The following SUPT3H variants were observed in gnomAD, a reference collection of about 807,000 sequenced individuals.
The protein encoded by SUPT3H is SPT3 homolog, SAGA and STAGA complex component.
SUPT3H carries 44 observed loss-of-function variants against 44.3 expected under a neutral mutation model. The ratio of observed to expected loss-of-function variants is 0.99; its 90% CI spans 0.78 to 1.28. The LOEUF (loss-of-function observed/expected upper bound fraction) is 1.28. Ranked by LOEUF, SUPT3H falls within the 50% of genes most tolerant of loss-of-function variation. The probability of loss-of-function intolerance (pLI) is 0.00; values close to 1 mark genes in which losing one functional copy is unlikely to be tolerated. For missense variants in SUPT3H, 380 were observed against 387.1 expected (o/e 0.98, Z 0.15); for synonymous variants, 124 against 125.6 (o/e 0.99, Z 0.09).
At chr6:44,953,129 G>A (rs1319464012) in intron 9 of SUPT3H, among the ~76,000 whole-genome samples, 181 bp downstream of exon 9, 4 of 152,178 alleles carry the variant, frequency 2.6e-5, no homozygotes. Flanking sequence ...TAAGTGGACT[G>A]TCAGGGCCTG....
intron 10 of SUPT3H, among the ~76,000 whole-genome samples, chr6:44,866,548 T>C (rs934923290): frequency 1.3e-5 from 2 of 152,064 alleles, no homozygotes; most frequent in Non-Finnish European, 2.9e-5. Flanking sequence ...ACATAAAGCT[T>C]TACAACTGTC....
chr6:45,371,837 C>T, intron 1 of SUPT3H: 3 of 984,368 alleles, frequency 3.0e-6, no homozygotes, highest in Non-Finnish European at 3.6e-6. Flanking sequence ...GAGCAGACTT[C>T]AGAACTACAG....
chr6:44,976,461 G>C (rs1399164484), intron 6 of SUPT3H, among the ~76,000 whole-genome samples: 1 of 151,730 alleles, frequency 6.6e-6, no homozygotes, highest in Non-Finnish European at 1.5e-5. Context: ...TCCAGGGCTC[G>C]AGAGATTCTC....
rs1405558296 is a variant in SUPT3H, at chr6:45,111,083, A to G, written c.102-5077T>C. Among the ~76,000 whole-genome samples, 6 of 148,706 alleles carry G rather than the reference A, an allele frequency of 4.0e-5. No homozygotes were observed. The South Asian group carries it at 8.5e-4, about 21-fold the overall frequency. On this transcript the variant is annotated intron_variant, in intron 2 of 10. Coordinates refer to ENST00000371459, the MANE Select transcript of SUPT3H (RefSeq NM_003599.4). ...AGTCTCACTCTGTCACCCAGGCTGG[A>G]GTGCAGTGGCGCGACCTTCGCTCAC...
At chr6:45,027,739 A>T (rs926290595) in intron 3 of SUPT3H, among the ~76,000 whole-genome samples, 3 of 152,214 alleles carry the variant, frequency 2.0e-5, no homozygotes, top group African/African-American at 7.2e-5. Flanking sequence ...ATAAATTTTT[A>T]AAAATCTTGT....
intron 2 of SUPT3H, among the ~76,000 whole-genome samples, chr6:45,330,972 T>C (rs1004770371): frequency 1.3e-5 from 2 of 151,982 alleles, no homozygotes; most frequent in Non-Finnish European, 1.5e-5. Context: ...ATAATGATTA[T>C]CACCACCACC....
In SUPT3H at chr6:45,080,117, T is replaced by A. The variant is rs537776892; in HGVS notation, c.186+25805A>T. The stretch of plus-strand genomic sequence containing the variant: ...AATTCAATAGGAAAAAATCTAATAA[T>A]CTGATTAAAACATGGGCAAAAGATC... On this transcript the variant is annotated intron_variant, in intron 3 of 10. Transcript: ENST00000371459. Among the ~76,000 whole-genome samples the A allele has an allele frequency of 2.1e-3, 315 of 152,120 alleles. 2 individuals carry two copies. Among genetic ancestry groups the A allele is most frequent in the African/African-American group, 7.4e-3 (306 of 41,512 alleles).
At chr6:45,330,345 A>T (rs1292356701) in intron 2 of SUPT3H, among the ~76,000 whole-genome samples, 1 of 151,980 alleles carries the variant, frequency 6.6e-6, no homozygotes, top group African/African-American at 2.4e-5. Context: ...TTTTGTTACT[A>T]CTACCCAAGA....
At chr6:45,039,318 T>C (rs1788153991) in intron 3 of SUPT3H, among the ~76,000 whole-genome samples, 1 of 152,122 alleles carries the variant, frequency 6.6e-6, no homozygotes, top group Admixed American at 6.5e-5. Context: ...GTCCAAACAT[T>C]TCAAATCTAC....
intron 2 of SUPT3H, among the ~76,000 whole-genome samples, chr6:45,158,334 A>G (rs1332584948): frequency 8.5e-6 from 1 of 117,074 alleles, no homozygotes; most frequent in African/African-American, 3.6e-5. Flanking sequence ...GAGTCTCACT[A>G]TGTCACCCAA....
At position 45,348,682 on chromosome 6, in the gene SUPT3H, A is replaced by C. The variant is rs1581785886; in HGVS notation, c.101+16519T>G. Among the ~76,000 whole-genome samples the C allele has an allele frequency of 6.6e-5, 10 of 151,894 alleles. No individual in the cohort carries two copies. In the South Asian group the frequency reaches 2.1e-3, roughly 32 times the overall value. On this transcript the variant is annotated intron_variant, in intron 2 of 10. Transcript: ENST00000371459. Reference sequence around the variant, plus strand: ...AAAGTAAAACTCCAACTCAAAAAAAAAAAAAAAAAATTGGCAATAATATCA... The same window carrying C: ...AAAGTAAAACTCCAACTCAAAAAAACAAAAAAAAAATTGGCAATAATATCA...
chr6:45,077,648 G>GAAAAGA (rs1554233661), intron 3 of SUPT3H, among the ~76,000 whole-genome samples: 10 of 105,734 alleles, frequency 9.5e-5, no homozygotes, highest in Admixed American at 8.9e-4. Flanking sequence ...AAAAAGAAAA[G>GAAAAGA]AAAAAAAAAA....
chr6:44,870,361 C>CTT (rs1776170138), intron 10 of SUPT3H, among the ~76,000 whole-genome samples: 1 of 152,110 alleles, frequency 6.6e-6, no homozygotes, highest in Admixed American at 6.5e-5. Flanking sequence ...CTTCGTGAGT[C>CTT]TGAGGCAGGA....
intron 3 of SUPT3H, among the ~76,000 whole-genome samples, chr6:45,064,680 C>CTTAA (rs1792902312): frequency 7.6e-6 from 1 of 130,936 alleles, no homozygotes; most frequent in Non-Finnish European, 1.6e-5. Context: ...ATAAAACAGA[C>CTTAA]TTTAAACCAA....
chr6:45,314,066 G>A (rs1784362474), intron 2 of SUPT3H, among the ~76,000 whole-genome samples: 1 of 152,106 alleles, frequency 6.6e-6, no homozygotes, highest in African/African-American at 2.4e-5. Context: ...AATCGATGCA[G>A]AAAAAGCATT....
intron 2 of SUPT3H, among the ~76,000 whole-genome samples, chr6:45,343,089 G>A (rs1295460351): frequency 6.6e-6 from 1 of 152,126 alleles, no homozygotes; most frequent in Non-Finnish European, 1.5e-5. Flanking sequence ...ACACTGATCT[G>A]ACAAAAGCAT....
intron 6 of SUPT3H, among the ~76,000 whole-genome samples, chr6:44,969,867 A>C (rs187605167): frequency 6.6e-6 from 1 of 152,338 alleles, no homozygotes; most frequent in Non-Finnish European, 1.5e-5. Flanking sequence ...CCAAGGTATT[A>C]AGAATGTCTT....
intron 2 of SUPT3H, among the ~76,000 whole-genome samples, chr6:45,307,169 C>A (rs1384884320): frequency 6.6e-6 from 1 of 152,232 alleles, no homozygotes; most frequent in South Asian, 2.1e-4. Context: ...GCCTGCCTGC[C>A]TCTGTAGACT....
chr6:45,319,635 A>G (rs968939689), intron 2 of SUPT3H, among the ~76,000 whole-genome samples: 9 of 152,150 alleles, frequency 5.9e-5, no homozygotes, highest in African/African-American at 2.2e-4. Context: ...AATAATACTC[A>G]AAGTCTACCT....
Sources: allele counts gnomAD v4.1 joint callset (sites outside exome capture counted in the v4.1 genomes callset), GRCh38; gene constraint gnomAD v4.1.1; transcripts MANE v1.5; gene names NCBI Gene and HGNC (gene_info 2026-07-23, HGNC 2026-07-21).